PRH1: variants seen among roughly 807,000 people sequenced by gnomAD.
PRH1 encodes salivary acidic proline-rich phosphoprotein 1/2.
In PRH1, 7 loss-of-function variants were observed where a neutral mutation model predicts 7.9. That is an observed-to-expected ratio of 0.89 (90% CI 0.50 to 1.67). The LOEUF (loss-of-function observed/expected upper bound fraction) is 1.67. Ranked by LOEUF, PRH1 falls within the 40% of genes most tolerant of loss-of-function variation. The pLI is 0.00. For synonymous variants in PRH1, 45 were observed against 80.8 expected (o/e 0.56, Z 2.38); for missense variants, 109 against 223.6 (o/e 0.49, Z 3.27).
At chr12:11,043,473 GCATCCA>G (rs1169717723) in intron 1 of PRH1, among the ~76,000 whole-genome samples, 1 of 151,922 alleles carries the variant, frequency 6.6e-6, no homozygotes, top group Non-Finnish European at 1.5e-5. Context: ...TAAATAAAGA[GCATCCA>G]CATAGGAAAA....
chr12:10,890,043 T>A (rs778066410), intron 2 of PRH1, among the ~76,000 whole-genome samples: 7 of 152,182 alleles, frequency 4.6e-5, no homozygotes, highest in Non-Finnish European at 8.8e-5. Flanking sequence ...AAATGGTCGA[T>A]TTTTTGTGAG....
chr12:10,930,364 G>T, intron 2 of PRH1: 1 of 1,565,920 alleles, frequency 6.4e-7, no homozygotes, highest in Non-Finnish European at 8.8e-7. Flanking sequence ...AAATTGATCA[G>T]TTCTCCAGTG....
chr12:11,167,445 A>AT (rs145652303), intron 1 of PRH1, among the ~76,000 whole-genome samples: 29,027 of 140,432 alleles, frequency 0.21, 3,483 homozygotes, highest in Non-Finnish European at 0.27. Context: ...AAGGCTTGTA[A>AT]TTTTTTTTTT....
chr12:10,908,529 T>C (rs149109598), intron 2 of PRH1: 3 of 1,613,786 alleles, frequency 1.9e-6, no homozygotes, highest in Admixed American at 1.7e-5. Flanking sequence ...TGTGTTCTGA[T>C]ACAGCTCAGA....
intron 2 of PRH1, among the ~76,000 whole-genome samples, chr12:10,890,389 G>A (rs539921479): frequency 1.5e-4 from 23 of 151,442 alleles, no homozygotes; most frequent in African/African-American, 5.4e-4. Flanking sequence ...ACTTTGGTGT[G>A]TGTGTGTGTG....
chr12:11,074,649 A>G lies in PRH1; in HGVS notation n.124-27461T>C, dbSNP rs1456497590. Among the ~76,000 whole-genome samples the G allele has an allele frequency of 1.9e-5, 2 of 104,440 alleles. 1 individual carries two copies. Among genetic ancestry groups the G allele is most frequent in the Non-Finnish European group, 4.6e-5 (2 of 43,314 alleles). 68.5% of individuals were successfully genotyped at this position (104,440 alleles called of 152,430 possible). A position where few individuals can be genotyped will look rare whatever the true frequency, so the allele number is the denominator to read the frequency against. On this transcript the variant is annotated intron_variant and non_coding_transcript_variant, in intron 1 of 4. Transcript: ENST00000541977. The stretch of plus-strand genomic sequence containing the variant: ...AAAGGGGCGAGGAAAAGAGACAAAA[A>G]ATTAAAAAAAAAACAAAACAAGTAT...
intron 1 of PRH1, among the ~76,000 whole-genome samples, chr12:11,071,394 AAG>A (rs1200359396): frequency 6.6e-6 from 1 of 152,192 alleles, no homozygotes; most frequent in African/African-American, 2.4e-5. Flanking sequence ...AAATAAAAAA[AAG>A]ACCTTCTTGG....
At chr12:10,945,765 A>C (rs1950477308) in intron 2 of PRH1, among the ~76,000 whole-genome samples, 5 of 152,132 alleles carry the variant, frequency 3.3e-5, no homozygotes, top group Admixed American at 3.3e-4. Context: ...ACCAGAGCTT[A>C]TTTCATCCCT....
chr12:10,932,980 T>C (rs1361588296), intron 2 of PRH1, among the ~76,000 whole-genome samples: 1 of 151,940 alleles, frequency 6.6e-6, no homozygotes, highest in East Asian at 1.9e-4. Context: ...GAAATAAGAA[T>C]TAATGAAAAT....
At chr12:11,022,446 G>T in intron 1 of PRH1, 1 of 1,614,120 alleles carries the variant, frequency 6.2e-7, no homozygotes, top group Admixed American at 1.7e-5. Flanking sequence ...GCTCAGCTGA[G>T]GAGATCTTTC....
At chr12:10,972,928 A>ATCCCCCCCCCC (rs1555119295) in intron 2 of PRH1, among the ~76,000 whole-genome samples, 9 of 100,326 alleles carry the variant, frequency 9.0e-5, no homozygotes, top group African/African-American at 3.4e-4. Flanking sequence ...AAGCACCACA[A>ATCCCCCCCCCC]CCCACCCCCC....
upstream of PRH1, chr12:11,049,328 CCTTA>C: frequency 2.7e-6 from 1 of 364,598 alleles, no homozygotes; most frequent in Non-Finnish European, 4.6e-6. Context: ...AATATCCAGA[CCTTA>C]ATGTCGATAA....
intron 1 of PRH1, among the ~76,000 whole-genome samples, chr12:10,980,112 C>T (rs184627277): frequency 1.3e-5 from 2 of 152,038 alleles, no homozygotes; most frequent in Non-Finnish European, 2.9e-5. Context: ...GATGAACTTA[C>T]CTAAAAAGTA....
chr12:11,152,834 T>C (rs1271999781), intron 1 of PRH1, among the ~76,000 whole-genome samples: 1 of 152,190 alleles, frequency 6.6e-6, no homozygotes, highest in East Asian at 1.9e-4. Flanking sequence ...CTTCTTGTAT[T>C]TTGATGATCA....
At chr12:10,991,300 C>T (rs915251242) in intron 1 of PRH1, among the ~76,000 whole-genome samples, 5 of 151,894 alleles carry the variant, frequency 3.3e-5, no homozygotes, top group Admixed American at 6.6e-5. Context: ...TTAACTGTAC[C>T]AAGTACAATA....
upstream of PRH1, chr12:11,049,312 T>A (rs1013352625): frequency 6.9e-6 from 3 of 434,502 alleles, no homozygotes; most frequent in Non-Finnish European, 1.1e-5. Flanking sequence ...TGGTTGTGAT[T>A]CCCTTAATAT....
intron 1 of PRH1, among the ~76,000 whole-genome samples, chr12:11,068,783 T>C (rs1943932397): frequency 6.6e-6 from 1 of 152,330 alleles, no homozygotes; most frequent in East Asian, 1.9e-4. Context: ...TCTATCAATA[T>C]GTATAATGCT....
At chr12:11,039,077 A>G (rs2136120334) in intron 1 of PRH1, among the ~76,000 whole-genome samples, 1 of 152,386 alleles carries the variant, frequency 6.6e-6, no homozygotes, top group South Asian at 2.1e-4. Context: ...AAGGACTCAA[A>G]GAAAAAAATA....
chr12:11,111,523 G>A (rs1414253423), intron 1 of PRH1, among the ~76,000 whole-genome samples: 1 of 152,162 alleles, frequency 6.6e-6, no homozygotes, highest in Non-Finnish European at 1.5e-5. Context: ...CAACTACATG[G>A]AAACTGAACA....
Sources: allele counts gnomAD v4.1 joint callset (sites outside exome capture counted in the v4.1 genomes callset), GRCh38; gene constraint gnomAD v4.1.1; transcripts MANE v1.5; gene names NCBI Gene and HGNC (gene_info 2026-07-23, HGNC 2026-07-21).